Variants in PCDHA1 observed in about 807,000 individuals in gnomAD.
PCDHA1 encodes the protein protocadherin alpha 1.
In PCDHA1, 42 loss-of-function variants were observed where a neutral mutation model predicts 61.3. That is an observed-to-expected ratio of 0.69 (90% CI 0.54 to 0.89). The LOEUF (loss-of-function observed/expected upper bound fraction) is 0.89, where lower values mean the gene tolerates loss of function less well. PCDHA1 is among the 40% of genes least tolerant of loss of function. PCDHA1 has a pLI of 0.00. For missense variants in PCDHA1, 1,256 were observed against 1,235.3 expected (o/e 1.02, Z -0.25); for synonymous variants, 610 against 553.8 (o/e 1.10, Z -1.43).
chr5:140,797,616 C>G (rs914544149), intron 1 of PCDHA1: 1 of 489,812 alleles, frequency 2.0e-6, no homozygotes, highest in Admixed American at 3.9e-5. Context: ...CTGAAAAACA[C>G]CTCAGCAAAA....
chr5:140,976,685 T>TTGC (rs1279936534), intron 1 of PCDHA1, among the ~76,000 whole-genome samples: 2 of 152,238 alleles, frequency 1.3e-5, no homozygotes, highest in East Asian at 3.8e-4. Flanking sequence ...TTTTGCAATT[T>TTGC]AAGTACAATA....
At chr5:140,804,891 C>T in intron 1 of PCDHA1, 1 of 669,168 alleles carries the variant, frequency 1.5e-6, no homozygotes, top group Non-Finnish European at 2.3e-6. Flanking sequence ...CCTCTCCTTC[C>T]CCTCACTTCC....
At chr5:140,838,152 C>G (rs1353802529) in intron 1 of PCDHA1, among the ~76,000 whole-genome samples, 3 of 150,110 alleles carry the variant, frequency 2.0e-5, no homozygotes, top group Non-Finnish European at 4.4e-5. Context: ...TTTACTCTGT[C>G]GCCCTCTCTG....
chr5:140,789,880 T>C (rs1334475900), intron 1 of PCDHA1, among the ~76,000 whole-genome samples: 1 of 152,230 alleles, frequency 6.6e-6, no homozygotes, highest in African/African-American at 2.4e-5. Context: ...TTGCTGTTAA[T>C]ACAGTTCTTT....
Position 140,965,232 on chromosome 5 carries a change from G to T in PCDHA1, c.2395-13717G>T, listed in dbSNP as rs192008157. ...TCCTGTGGAAGAAATGTGAGAACCT[G>T]GGAAGAGTGAATATTCAGAACTGAG... On this transcript the variant is annotated intron_variant, in intron 1 of 3. Coordinates refer to ENST00000504120, the MANE Select transcript of PCDHA1 (RefSeq NM_018900.4). Among the ~76,000 whole-genome samples, 4 of 152,312 alleles carry T rather than the reference G, an allele frequency of 2.6e-5. No individual in the cohort carries two copies. In the East Asian group the frequency reaches 7.7e-4, roughly 29 times the overall value.
intron 1 of PCDHA1, chr5:140,871,646 A>G: frequency 7.8e-7 from 1 of 1,275,646 alleles, no homozygotes; most frequent in Non-Finnish European, 1.1e-6. Flanking sequence ...TAAAATACCA[A>G]ATGATACACA....
At chr5:140,871,533 G>A in intron 1 of PCDHA1, 2 of 1,516,446 alleles carry the variant, frequency 1.3e-6, no homozygotes, top group South Asian at 1.3e-5. Context: ...GGAAGTGTAT[G>A]TGAAATTATT....
intron 1 of PCDHA1, among the ~76,000 whole-genome samples, chr5:140,871,818 A>G (rs2053326422): frequency 6.6e-6 from 1 of 152,250 alleles, no homozygotes; most frequent in South Asian, 2.1e-4. Flanking sequence ...TAAAGTACCC[A>G]TGCCCCTTCA....
intron 1 of PCDHA1, chr5:140,808,884 T>C: frequency 1.9e-6 from 3 of 1,613,368 alleles, no homozygotes; most frequent in Non-Finnish European, 2.5e-6. Context: ...CCAGCACTGC[T>C]AGCGCCTCGG....
intron 1 of PCDHA1, among the ~76,000 whole-genome samples, chr5:140,873,578 G>A (rs1175903601): frequency 6.8e-5 from 8 of 117,146 alleles, no homozygotes; most frequent in Non-Finnish European, 1.4e-4. Flanking sequence ...GGTTGTTTAA[G>A]TATTAAGCTA....
chr5:140,924,613 T>G (rs185833158), intron 1 of PCDHA1, among the ~76,000 whole-genome samples: 1 of 152,170 alleles, frequency 6.6e-6, no homozygotes, highest in African/African-American at 2.4e-5. Context: ...TGATGCCAGG[T>G]GCGGTGGCAT....
intron 1 of PCDHA1, among the ~76,000 whole-genome samples, chr5:140,962,725 T>C (rs536695569): frequency 3.2e-4 from 48 of 152,210 alleles, no homozygotes; most frequent in Non-Finnish European, 5.9e-4. Flanking sequence ...AGTATTTTCC[T>C]TCTGGGGATG....
chr5:140,941,206 T>TCTTC (rs201128549), intron 1 of PCDHA1, among the ~76,000 whole-genome samples: 3,670 of 95,482 alleles, frequency 0.038, 169 homozygotes, highest in African/African-American at 0.16. Flanking sequence ...TTTCTTCCTT[T>TCTTC]CTTTCTTCCT....
Position 140,788,422 on chromosome 5 carries a change from T to C in PCDHA1, c.2132T>C (p.Leu711Pro), listed in dbSNP as rs925452936. The stretch of plus-strand genomic sequence containing the variant: ...GCCATCTGCGCGGTGTCCAGCCTGC[T>C]GGTGCTCACACTGCTGCTGTACACG... ...IIAICAVSSL[L>P]VLTLLLYTAL... The change falls in exon 1 of 4, where the codon CTG becomes CCG. Residue 711 changes from leucine (L) to proline (P), a missense_variant. Leu to Pro is a moderately conservative substitution (Grantham distance 98, BLOSUM62 -3). Coordinates refer to ENST00000504120, the MANE Select transcript of PCDHA1 (RefSeq NM_018900.4). 6.2e-7 allele frequency: 1 copy of C among 1,614,146 alleles called. No homozygotes were observed. Among genetic ancestry groups the C allele is most frequent in the African/African-American group, 1.3e-5 (1 of 75,068 alleles).
chr5:140,824,094 A>G (rs1767995736), intron 1 of PCDHA1: 1 of 1,614,038 alleles, frequency 6.2e-7, no homozygotes, highest in Non-Finnish European at 8.5e-7. Context: ...CCTTCAGTCC[A>G]AGCCTTCCTC....
At position 140,871,233 on chromosome 5, in the gene PCDHA1, G is replaced by A. The variant is rs1277389723; in HGVS notation, c.2394+82549G>A. 5 of 1,613,838 alleles carry A rather than the reference G, an allele frequency of 3.1e-6. No individual in the cohort carries two copies. The African/African-American group carries it at 6.7e-5, about 22-fold the overall frequency. On this transcript the variant is annotated intron_variant, in intron 1 of 3. Transcript: ENST00000504120. ...CCATCTGCGTGGTGTCCAGCCTCCT[G>A]GTACTCACGCTGCTGCTGTATACGG...
In PCDHA1 at chr5:140,886,468, T is replaced by C. The variant is rs138596929; in HGVS notation, c.2395-92481T>C. The stretch of plus-strand genomic sequence containing the variant: ...TAATTTTGTCATATATAAATGTTTT[T>C]AAAATGTATGAATTAAAATATATCT... On this transcript the variant is annotated intron_variant, in intron 1 of 3. Coordinates refer to ENST00000504120, the MANE Select transcript of PCDHA1 (RefSeq NM_018900.4). Among the ~76,000 whole-genome samples, 1,063 of 152,318 alleles carry C rather than the reference T, an allele frequency of 7.0e-3. 10 individuals carry two copies. Among genetic ancestry groups the C allele is most frequent in the Non-Finnish European group, 0.012 (787 of 68,024 alleles).
chr5:140,882,283 G>A (rs1554173377), intron 1 of PCDHA1: 2 of 1,612,834 alleles, frequency 1.2e-6, no homozygotes, highest in South Asian at 1.1e-5. Flanking sequence ...TGTCTTCCTG[G>A]CAAGGAGGCC....
chr5:140,830,660 T>A, intron 1 of PCDHA1: 1 of 411,746 alleles, frequency 2.4e-6, no homozygotes, highest in Non-Finnish European at 3.9e-6. Flanking sequence ...ATTCATAATT[T>A]AAGTGAAATT....
Sources: allele counts gnomAD v4.1 joint callset (sites outside exome capture counted in the v4.1 genomes callset), GRCh38; gene constraint gnomAD v4.1.1; transcripts MANE v1.5; gene names NCBI Gene and HGNC (gene_info 2026-07-23, HGNC 2026-07-21).